Variants in GCN1 observed in about 807,000 individuals in gnomAD.
The protein encoded by GCN1 is stalled ribosome sensor GCN1.
GCN1 carries 90 observed loss-of-function variants against 288.4 expected under a neutral mutation model. The observed-to-expected ratio is 0.31, with a 90% CI of 0.26 to 0.37. The LOEUF is 0.37. Ranked by LOEUF, GCN1 falls within the 10% of genes least tolerant of loss-of-function variation. The pLI is 1.00. For synonymous variants in GCN1, 1,386 were observed against 1,420.2 expected, an observed-to-expected ratio of 0.98 and a Z score of 0.54; for missense variants, 2,586 against 3,419.9, an observed-to-expected ratio of 0.76 and a Z score of 6.08.
At position 120,131,917 on chromosome 12, in the gene GCN1, T is replaced by G. The variant is rs913708431; in HGVS notation, c.7414+9A>C. 2.5e-6 allele frequency: 4 copies of G among 1,571,112 alleles called. No individual in the cohort carries two copies. The highest frequency in any genetic ancestry group is 3.5e-6 in the Non-Finnish European group (4 of 1,148,056). ...AGGTCCCTGAAGGGGAACTCTCCAG[T>G]GTACTTACCCAGCAAGCACTGCTGT... is the stretch of plus-strand genomic sequence containing the variant. On this transcript the variant is annotated intron_variant, in intron 54 of 57. Coordinates refer to ENST00000300648, the MANE Select transcript of GCN1 (RefSeq NM_006836.2).
chr12:120,178,025 C>T (rs1257225540), intron 7 of GCN1, among the ~76,000 whole-genome samples: 1 of 152,154 alleles, frequency 6.6e-6, no homozygotes, highest in Non-Finnish European at 1.5e-5. Context: ...CCCATTCCTG[C>T]CACTCCAACC....
rs181566817 is a variant in GCN1, at chr12:120,175,755, T to C, written c.1033A>G (p.Ile345Val). 122 of 1,612,010 alleles carry C rather than the reference T, an allele frequency of 7.6e-5. 1 individual carries two copies. The Admixed American group carries it at 1.3e-3, about 18-fold the overall frequency. ...MESLTKHLFA[I>V]LGGSEGKLTV... ...AAGAAGGCTTGCTCACCTCCGAGGA[T>C]AGCAAATAGGTGCTTGGTCAGGGAT... The change falls in exon 11 of 58, where the codon ATC becomes GTC. Residue 345 changes from isoleucine (I) to valine (V), a missense_variant. Ile to Val is a conservative substitution (Grantham distance 29). Transcript: ENST00000300648.
In GCN1 at chr12:120,151,291, G is replaced by A. The variant is rs1264998157; in HGVS notation, c.4163C>T (p.Ser1388Leu). Reference protein sequence around the residue: ...IQRLMQQLLESDKYAERKGAA... With the variant: ...IQRLMQQLLELDKYAERKGAA... ...CCCTTTGCGCTCTGCGTACTTGTCT[G>A]ACTCCAGCAGCTGCTGCATAAGCCT... Residue 1388 changes from serine to leucine, a missense_variant, in exon 34 of 58, where the codon TCA (serine) becomes TTA (leucine). By Grantham distance (145) the Ser-to-Leu change is moderately radical. Around this residue, in one of 8 missense-constraint regions of GCN1, gnomAD observed 332 missense variants for 403.0 expected, o/e 0.82. Transcript: ENST00000300648. 2 of 1,614,042 alleles carry A rather than the reference G, an allele frequency of 1.2e-6. No individual in the cohort carries two copies. The highest frequency in any genetic ancestry group is 3.3e-5 in the Admixed American group (2 of 60,012).
rs539399971 is a variant in GCN1, at chr12:120,191,375, G to T, written c.19-975C>A. Among the ~76,000 whole-genome samples the T allele has an allele frequency of 6.6e-5, 10 of 152,330 alleles. 1 individual carries two copies. In the South Asian group the frequency reaches 2.1e-3, roughly 32 times the overall value. Reference sequence around the variant, plus strand: ...ATAAGCATAAGACCCAGTGATGGGGGGCAGTTTGCAAACATCCCTGAAAAT... The same window carrying T: ...ATAAGCATAAGACCCAGTGATGGGGTGCAGTTTGCAAACATCCCTGAAAAT... On this transcript the variant is annotated intron_variant, in intron 1 of 57. Coordinates refer to ENST00000300648, the MANE Select transcript of GCN1 (RefSeq NM_006836.2).
intron 34 of GCN1, among the ~76,000 whole-genome samples, chr12:120,150,397 C>A (rs184893581): frequency 2.4e-4 from 36 of 150,942 alleles, no homozygotes; most frequent in Admixed American, 2.3e-3. Context: ...GAAATAGAGA[C>A]CATCTTGGCC....
At chr12:120,168,481 A>C in intron 15 of GCN1, 181 bp from the exon 16 acceptor site, 2 of 527,888 alleles carry the variant, frequency 3.8e-6, no homozygotes, top group East Asian at 3.3e-5. Flanking sequence ...CCTGTACGAA[A>C]CTCTTCGGTG....
chr12:120,161,598 T>C lies in GCN1; in HGVS notation c.2343-15A>G, dbSNP rs771146755. On this transcript the variant is annotated splice_polypyrimidine_tract_variant and intron_variant, in intron 21 of 57. Coordinates refer to ENST00000300648, the MANE Select transcript of GCN1 (RefSeq NM_006836.2). ...CCTGCTGGGCACTGAAACACCAGAGTGGGTCATCAGCCAGCTTGAAAAGCA... is the reference window on the plus strand; with the variant it reads ...CCTGCTGGGCACTGAAACACCAGAGCGGGTCATCAGCCAGCTTGAAAAGCA... 1 of 1,590,104 alleles carries C rather than the reference T, an allele frequency of 6.3e-7. No individual in the cohort carries two copies. The highest frequency in any genetic ancestry group is 1.1e-5 in the South Asian group (1 of 90,508).
At chr12:120,139,471 G>A (rs746284137) in intron 45 of GCN1, among the ~76,000 whole-genome samples, 7 of 150,404 alleles carry the variant, frequency 4.7e-5, no homozygotes, top group Non-Finnish European at 7.4e-5. Flanking sequence ...TACTAAAAAT[G>A]CAAAAATTAG....
chr12:120,175,765 G>A lies in GCN1; in HGVS notation c.1023C>T (p.His341=). Residue 341 remains histidine, a synonymous_variant, in exon 11 of 58, where the codon CAC becomes CAT. Transcript: ENST00000300648. Reference sequence around the variant, plus strand: ...GCTCACCTCCGAGGATAGCAAATAGGTGCTTGGTCAGGGATTCCATGGCCG... The same window carrying A: ...GCTCACCTCCGAGGATAGCAAATAGATGCTTGGTCAGGGATTCCATGGCCG... ...DSSAMESLTK[H]LFAILGGSEG... 1 of 1,612,550 alleles carries A rather than the reference G, an allele frequency of 6.2e-7. No homozygotes were observed. The highest frequency in any genetic ancestry group is 8.5e-7 in the Non-Finnish European group (1 of 1,179,468).
intron 5 of GCN1, among the ~76,000 whole-genome samples, chr12:120,180,111 A>G: frequency 6.6e-6 from 1 of 151,926 alleles, no homozygotes; most frequent in East Asian, 1.9e-4. Context: ...GTTCAAGACC[A>G]GTCTGACCAA....
In GCN1 at chr12:120,170,214, C is replaced by T. The variant is rs777505168; in HGVS notation, c.1474G>A (p.Ala492Thr). 4 of 1,614,054 alleles carry T rather than the reference C, an allele frequency of 2.5e-6. No homozygotes were observed. The highest frequency in any genetic ancestry group is 3.4e-6 in the Non-Finnish European group (4 of 1,179,900). ...QVPTITEGVA[A>T]ALLLLKLSVA... ...GACAACTTTAAGAGCAACAAGGCTG[C>T]GGCAACCCCTTCAGTGATGGTGGGA... The change falls in exon 15 of 58, where the codon GCA becomes ACA. Residue 492 changes from alanine (A) to threonine (T), a missense_variant. By Grantham distance (58) the Ala-to-Thr change is moderately conservative (BLOSUM62 0). Around this residue, in one of 8 missense-constraint regions of GCN1, gnomAD observed 913 missense variants for 1,107.0 expected, o/e 0.82. Coordinates refer to ENST00000300648, the MANE Select transcript of GCN1 (RefSeq NM_006836.2).
At chr12:120,170,637 C>T (rs968234840) in intron 14 of GCN1, among the ~76,000 whole-genome samples, 1 of 151,494 alleles carries the variant, frequency 6.6e-6, no homozygotes, top group Non-Finnish European at 1.5e-5. Context: ...GGAGAAACCC[C>T]GTCTCTATTA....
At chr12:120,170,062 T>C (rs923975194) in intron 15 of GCN1, 107 bp downstream of exon 15, 5 of 943,966 alleles carry the variant, frequency 5.3e-6, no homozygotes, top group African/African-American at 4.9e-5. Flanking sequence ...CTGTGGCTGA[T>C]CCAGTGTGGT....
chr12:120,155,497 C>T lies in GCN1; in HGVS notation c.3441-67G>A, dbSNP rs767386990. On this transcript the variant is annotated intron_variant, in intron 29 of 57. Transcript: ENST00000300648. The surrounding 1 kb of genome is among the most constrained non-coding windows in gnomAD (Gnocchi z 4.9). Reference sequence around the variant, plus strand: ...GCAGCACTTGCCCTGCCAGCCCAGCCCTTCTTCCCACTGGAGGCTGAGCAC... The same window carrying T: ...GCAGCACTTGCCCTGCCAGCCCAGCTCTTCTTCCCACTGGAGGCTGAGCAC... The T allele has an allele frequency of 1.9e-6, 3 of 1,601,944 alleles. No homozygotes were observed. Among genetic ancestry groups the T allele is most frequent in the Admixed American group, 3.3e-5 (2 of 59,886 alleles).
intron 55 of GCN1, 79 bp downstream of exon 55, chr12:120,131,106 G>A (rs1876802611): frequency 7.6e-7 from 1 of 1,313,390 alleles, no homozygotes; most frequent in Non-Finnish European, 1.1e-6. Context: ...CCCAGTCTGG[G>A]GTCCACCCGC....
chr12:120,161,698 C>T (rs1038347279), intron 21 of GCN1, 115 bp from the exon 22 acceptor site: 15 of 920,490 alleles, frequency 1.6e-5, no homozygotes, highest in Non-Finnish European at 2.2e-5. Flanking sequence ...AGCACAGTGC[C>T]GGATACTGGA....
At position 120,153,337 on chromosome 12, in the gene GCN1, T is replaced by C; in HGVS notation, c.3938A>G (p.Asp1313Gly). Residue 1313 changes from aspartate to glycine, a missense_variant, in exon 33 of 58, where the codon GAT becomes GGT. By Grantham distance (94) the Asp-to-Gly change is moderately conservative. This residue lies in a region of GCN1 where 332 missense variants were observed against 403.0 expected (regional missense o/e 0.82). Transcript: ENST00000300648. The surrounding 1 kb of genome is among the most constrained non-coding windows in gnomAD (Gnocchi z 4.4). ...GACCACCACACTCTGTCGCACAGCA[T>C]CATAGCTGGCATCATTGGGCGCGTT... The part of the protein sequence containing the change: ...LKNAPNDASY[D>G]AVRQSVVVLM... 6.2e-7 allele frequency: 1 copy of C among 1,614,186 alleles called. No individual in the cohort carries two copies. The highest frequency in any genetic ancestry group is 8.5e-7 in the Non-Finnish European group (1 of 1,180,014).
chr12:120,190,079 G>A (rs1878955097), intron 2 of GCN1, among the ~76,000 whole-genome samples: 1 of 151,754 alleles, frequency 6.6e-6, no homozygotes, highest in Non-Finnish European at 1.5e-5. Flanking sequence ...ACAAAAATTA[G>A]GCAGGCATGA....
Position 120,148,261 on chromosome 12 carries a change from C to T in GCN1, c.4632G>A (p.Thr1544=), listed in dbSNP as rs754419416. ...SCLPNIVPKL[T]EVLTDSHVKV... ...TGACATGGGAGTCGGTCAGCACCTC[C>T]GTAAGCTTGGGCACAATGTTGGGTA... The change falls in exon 37 of 58, where the codon ACG becomes ACA. Residue 1544 remains threonine, a synonymous_variant. Coordinates refer to ENST00000300648, the MANE Select transcript of GCN1 (RefSeq NM_006836.2). 2.0e-5 allele frequency: 33 copies of T among 1,613,916 alleles called. No homozygotes were observed. The highest frequency in any genetic ancestry group is 2.7e-5 in the Non-Finnish European group (32 of 1,179,932).
Sources: allele counts gnomAD v4.1 joint callset (sites outside exome capture counted in the v4.1 genomes callset), GRCh38; gene constraint gnomAD v4.1.1; regional missense constraint gnomAD v4.1.1; non-coding constraint Gnocchi (gnomAD v3.1); transcripts MANE v1.5; gene names NCBI Gene and HGNC (gene_info 2026-07-23, HGNC 2026-07-21).